The following TASOR variants were observed in gnomAD, a reference collection of about 807,000 sequenced individuals.
The protein encoded by TASOR is protein TASOR.
Under a neutral mutation model 178.6 loss-of-function variants are expected in TASOR, and 53 were observed. The observed-to-expected ratio is 0.30, with a 90% CI of 0.24 to 0.37. The LOEUF (loss-of-function observed/expected upper bound fraction) is 0.37. Among genes scored for constraint, TASOR ranks in the 10% least tolerant of loss-of-function variants. TASOR has a pLI of 1.00. For synonymous variants in TASOR, 713 were observed against 696.2 expected (o/e 1.02, Z -0.38); for missense variants, 1,815 against 1,971.4 (o/e 0.92, Z 1.50).
chr3:56,625,508 G>A (rs1408699613), intron 21 of TASOR, among the ~76,000 whole-genome samples: 2 of 152,104 alleles, frequency 1.3e-5, no homozygotes, highest in Admixed American at 1.3e-4. Flanking sequence ...TTAGCCGGAT[G>A]AGGTGGCTCA....
At chr3:56,644,654 C>T (rs1160011470) in intron 14 of TASOR, among the ~76,000 whole-genome samples, 1 of 151,804 alleles carries the variant, frequency 6.6e-6, no homozygotes, top group Non-Finnish European at 1.5e-5. Context: ...ATTAGCAAAG[C>T]AATACTGAGA....
chr3:56,641,565 A>G lies in TASOR; in HGVS notation c.2403T>C (p.Thr801=). The part of the protein sequence containing the change: ...DTVNKALGLS[T]DDAYEELRQK... The stretch of plus-strand genomic sequence containing the variant: ...GCCTCAGCTCTTCATAGGCATCATC[A>G]GTGCTCAATCCTAAGGCTTTGTTGA... The change falls in exon 15 of 24, where the codon ACT becomes ACC. Residue 801 remains threonine, a synonymous_variant. Coordinates refer to ENST00000683822, the MANE Select transcript of TASOR (RefSeq NM_001365635.2). 6.2e-7 allele frequency: 1 copy of G among 1,614,228 alleles called. No individual in the cohort carries two copies. The highest frequency in any genetic ancestry group is 1.1e-5 in the South Asian group (1 of 91,088).
chr3:56,635,260 G>C (rs960314785), intron 17 of TASOR, among the ~76,000 whole-genome samples: 1 of 152,202 alleles, frequency 6.6e-6, no homozygotes. Flanking sequence ...ACCCAAGGCG[G>C]GTCTGTAGGC....
At chr3:56,641,256 C>G (rs1021936878) in intron 15 of TASOR, 93 bp downstream of exon 15, 1 of 1,317,620 alleles carries the variant, frequency 7.6e-7, no homozygotes, top group Non-Finnish European at 1.0e-6. Context: ...ATTTCTTTTT[C>G]AAAGAAAAAA....
chr3:56,678,415 T>C (rs905533347), intron 1 of TASOR, among the ~76,000 whole-genome samples: 1 of 151,834 alleles, frequency 6.6e-6, no homozygotes, highest in Non-Finnish European at 1.5e-5. Context: ...ACTCCTGACC[T>C]CGTGATTCGC....
chr3:56,671,436 AAAAC>A (rs2030726738), intron 3 of TASOR, 160 bp downstream of exon 3: 1 of 537,952 alleles, frequency 1.9e-6, no homozygotes, highest in African/African-American at 1.9e-5. Context: ...GTACATTTGA[AAAAC>A]AAATTACAAA....
At chr3:56,669,421 T>C (rs1277464384) in intron 5 of TASOR, among the ~76,000 whole-genome samples, 1 of 152,088 alleles carries the variant, frequency 6.6e-6, no homozygotes, top group East Asian at 1.9e-4. Context: ...GAGAATGGCA[T>C]GAACTCGGGA....
At position 56,623,474 on chromosome 3, in the gene TASOR, A is replaced by C; in HGVS notation, c.4576T>G (p.Ser1526Ala). ...TTGGTCTCTTTCTCCCATATTTCTG[A>C]ATGAAAATTGCTGCATACTTCTATA... Reference protein sequence around the residue: ...SHIEVCSNFHSEIWEKETKGS... With the variant: ...SHIEVCSNFHAEIWEKETKGS... The change falls in exon 24 of 24, where the codon TCA (serine) becomes GCA (alanine). Residue 1526 changes from serine (S) to alanine (A), a missense_variant. Physicochemically the swap from Ser to Ala is moderately conservative, Grantham distance 99. Transcript: ENST00000683822. 6.2e-7 allele frequency: 1 copy of C among 1,613,266 alleles called. No individual in the cohort carries two copies. Among genetic ancestry groups the C allele is most frequent in the Non-Finnish European group, 8.5e-7 (1 of 1,179,962 alleles).
At chr3:56,666,526 CTAAAA>C (rs1390944251) in intron 6 of TASOR, 142 bp from the exon 7 acceptor site, 11 of 505,874 alleles carry the variant, frequency 2.2e-5, no homozygotes, top group African/African-American at 2.2e-4. Flanking sequence ...GCCAATTTAA[CTAAAA>C]TAATTAGTAC....
rs757940852 is a variant in TASOR, at chr3:56,633,890, A to G, written c.2901T>C (p.Asn967=). 2.5e-5 allele frequency: 40 copies of G among 1,595,800 alleles called. No homozygotes were observed. The highest frequency in any genetic ancestry group is 6.8e-6 in the Non-Finnish European group (8 of 1,170,450). Reference sequence around the variant, plus strand: ...ACTGGTAATCAGAACTTCTCTGTCTATTTATTACCCGGGGGTCGTTAGGAA... The same window carrying G: ...ACTGGTAATCAGAACTTCTCTGTCTGTTTATTACCCGGGGGTCGTTAGGAA... The part of the protein sequence containing the change: ...EAFPNDPRVI[N]RQRSSDYQFP... The change falls in exon 18 of 24, where the codon AAT becomes AAC. Residue 967 remains asparagine (N), a synonymous_variant. Transcript: ENST00000683822.
In TASOR at chr3:56,624,970, C is replaced by T. The variant is rs760712256; in HGVS notation, c.4176G>A (p.Leu1392=). The T allele has an allele frequency of 2.5e-6, 4 of 1,614,112 alleles. No homozygotes were observed. The Admixed American group carries it at 6.7e-5, about 27-fold the overall frequency. Reference sequence around the variant, plus strand: ...CCAGATGTTTCTTCTGATAGACATTCAGAAGCGTCAACAGACTTAGAGCTT... The same window carrying T: ...CCAGATGTTTCTTCTGATAGACATTTAGAAGCGTCAACAGACTTAGAGCTT... ...NAKALSLLTL[L]NVYQKKHLVE... The change falls in exon 22 of 24, where the codon CTG becomes CTA. Residue 1392 remains leucine (L), a synonymous_variant. Transcript: ENST00000683822.
In TASOR at chr3:56,660,719, C is replaced by G. The variant is rs1256998583; in HGVS notation, c.1368+12G>C. The stretch of plus-strand genomic sequence containing the variant: ...ACAAAGAATGAGAAACATTAAAAAA[C>G]TTTTCACTCACAAGTTTTTCTCTGT... On this transcript the variant is annotated intron_variant, in intron 11 of 23. Transcript: ENST00000683822. 2.9e-5 allele frequency: 47 copies of G among 1,598,246 alleles called. No homozygotes were observed. The highest frequency in any genetic ancestry group is 3.9e-5 in the Non-Finnish European group (46 of 1,168,636).
Position 56,633,494 on chromosome 3 carries a change from C to G in TASOR, c.3297G>C (p.Leu1099Phe). 6.2e-7 allele frequency: 1 copy of G among 1,614,126 alleles called. No individual in the cohort carries two copies. Among genetic ancestry groups the G allele is most frequent in the Non-Finnish European group, 8.5e-7 (1 of 1,180,016 alleles). Residue 1099 changes from leucine (L) to phenylalanine (F), a missense_variant, in exon 18 of 24, where the codon TTG becomes TTC. By Grantham distance (22) the Leu-to-Phe change is conservative. Transcript: ENST00000683822. ...IIKASAKGGN[L>F]PPVSPNDSGA... ...CAGAATCGTTAGGACTGACTGGTGG[C>G]AAATTCCCACCCTTGGCTGATGCTT...
rs1023110376 is a variant in TASOR at position 56,683,259 on chromosome 3, T to G, written c.-253A>C. The G allele has an allele frequency of 2.2e-5, 9 of 406,120 alleles. No homozygotes were observed. Among genetic ancestry groups the G allele is most frequent in the African/African-American group, 4.2e-5 (2 of 47,930 alleles). The allele number at this position is 406,120 out of a possible 1,614,324, so 25.2% of individuals were successfully genotyped here. A position where few individuals can be genotyped will look rare whatever the true frequency, so the allele number is the denominator to read the frequency against. ...TTCTGCCTTCCCCCGCCACTCAACG[T>G]GCGCGCGTCGGGGCCGGGAGGGGGC... On this transcript the variant is annotated 5_prime_UTR_variant, in exon 1 of 24. Coordinates refer to ENST00000683822, the MANE Select transcript of TASOR (RefSeq NM_001365635.2).
intron 18 of TASOR, among the ~76,000 whole-genome samples, chr3:56,632,485 A>C (rs58061357): frequency 0.35 from 52,800 of 150,186 alleles, 9,863 homozygotes; most frequent in East Asian, 0.5. Context: ...AAAAAAAAAA[A>C]CAAAAATCCA....
At chr3:56,663,875 G>A in intron 7 of TASOR, 1 of 988,608 alleles carries the variant, frequency 1.0e-6, no homozygotes, top group Non-Finnish European at 1.2e-6. Flanking sequence ...TTATTTTGCT[G>A]ACATTAGAAG....
chr3:56,636,237 C>T (rs1436068321), intron 17 of TASOR, among the ~76,000 whole-genome samples: 1 of 151,190 alleles, frequency 6.6e-6, no homozygotes, highest in African/African-American at 2.4e-5. Context: ...AAGATTGCAC[C>T]ACTGCACTCC....
At chr3:56,655,386 CTA>C (rs1172501322) in intron 11 of TASOR, among the ~76,000 whole-genome samples, 1 of 152,062 alleles carries the variant, frequency 6.6e-6, no homozygotes, top group Non-Finnish European at 1.5e-5. Context: ...GTAACAAACC[CTA>C]TGTTTTTTCT....
chr3:56,676,103 C>T (rs991159852), intron 1 of TASOR, among the ~76,000 whole-genome samples: 1 of 152,208 alleles, frequency 6.6e-6, no homozygotes, highest in Non-Finnish European at 1.5e-5. Context: ...AAACTTGTAG[C>T]AGACGAATAT....
Sources: gnomAD v4.1 joint callset for allele counts (sites outside exome capture counted in the v4.1 genomes callset) on GRCh38, gnomAD v4.1.1 for gene constraint, MANE v1.5 for transcripts, NCBI Gene and HGNC (gene_info 2026-07-23, HGNC 2026-07-21) for gene names.